NEK11: variants seen among roughly 807,000 people sequenced by gnomAD.
NEK11 encodes serine/threonine-protein kinase Nek11.
NEK11 carries 72 observed loss-of-function variants against 80.7 expected under a neutral mutation model. The observed-to-expected ratio is 0.89, with a 90% CI of 0.74 to 1.08. NEK11 has a LOEUF of 1.08. Ranked by LOEUF, NEK11 falls within the 50% of genes least tolerant of loss-of-function variation. NEK11 has a pLI of 0.00. For missense variants in NEK11, 764 were observed against 763.6 expected, an observed-to-expected ratio of 1.00 and a Z score of -0.01; for synonymous variants, 251 against 260.7, an observed-to-expected ratio of 0.96 and a Z score of 0.36.
At chr3:131,122,737 A>T (rs943292241) in intron 5 of NEK11, among the ~76,000 whole-genome samples, 1 of 152,214 alleles carries the variant, frequency 6.6e-6, no homozygotes, top group Non-Finnish European at 1.5e-5. Flanking sequence ...CCTTCTCCAC[A>T]GTTCTACCTT....
At chr3:131,168,597 C>A (rs1272305834) in intron 12 of NEK11, among the ~76,000 whole-genome samples, 1 of 151,920 alleles carries the variant, frequency 6.6e-6, no homozygotes, top group Non-Finnish European at 1.5e-5. Context: ...ACCTCGTGAT[C>A]CGCCCGCCTC....
chr3:131,243,346 TCGCC>T, intron 15 of NEK11, 86 bp from the exon 16 acceptor site: 1 of 1,200,304 alleles, frequency 8.3e-7, no homozygotes, highest in Non-Finnish European at 1.2e-6. Context: ...GATTTTTTTT[TCGCC>T]TAAATGTAGT....
At chr3:131,137,915 T>C (rs115036835) in intron 7 of NEK11, among the ~76,000 whole-genome samples, 2,008 of 152,302 alleles carry the variant, frequency 0.013, 40 homozygotes, top group African/African-American at 0.045. Flanking sequence ...ATGGGGTACA[T>C]GAAATATTTT....
intron 7 of NEK11, among the ~76,000 whole-genome samples, chr3:131,138,924 A>G (rs749028158): frequency 1.3e-5 from 2 of 152,148 alleles, no homozygotes; most frequent in Non-Finnish European, 2.9e-5. Flanking sequence ...AAACAAGCCC[A>G]GATGGTGAAT....
intron 7 of NEK11, among the ~76,000 whole-genome samples, chr3:131,134,677 G>A (rs567003900): frequency 3.3e-5 from 5 of 152,288 alleles, no homozygotes; most frequent in Admixed American, 6.5e-5. Context: ...GGGATTACAG[G>A]TGTGAGCCAC....
At chr3:131,066,946 TC>T (rs1271945786) in intron 3 of NEK11, among the ~76,000 whole-genome samples, 1 of 152,134 alleles carries the variant, frequency 6.6e-6, no homozygotes, top group Non-Finnish European at 1.5e-5. Context: ...TGTCTTAATC[TC>T]TCTGTGTCTT....
chr3:131,153,760 G>A (rs576320173), intron 9 of NEK11, among the ~76,000 whole-genome samples: 5 of 152,302 alleles, frequency 3.3e-5, no homozygotes, highest in African/African-American at 1.2e-4. Context: ...TATGTTTCCT[G>A]TCCTTTTGAA....
chr3:131,338,272 T>TG (rs2097223896), intron 17 of NEK11, among the ~76,000 whole-genome samples: 1 of 147,510 alleles, frequency 6.8e-6, no homozygotes, highest in South Asian at 2.2e-4. Flanking sequence ...GCTGGTTTTT[T>TG]TTTTTTTTTT....
intron 17 of NEK11, among the ~76,000 whole-genome samples, chr3:131,291,821 T>A (rs1018452695): frequency 1.6e-4 from 24 of 152,336 alleles, no homozygotes; most frequent in African/African-American, 5.5e-4. Flanking sequence ...TTTTAAGAGT[T>A]CTTTGTATAT....
Position 131,201,629 on chromosome 3 carries a change from G to A in NEK11, c.1400-26899G>A, listed in dbSNP as rs115439405. Among the ~76,000 whole-genome samples, 1,478 of 152,190 alleles carry A rather than the reference G, an allele frequency of 9.7e-3. 14 individuals carry two copies. The highest frequency in any genetic ancestry group is 0.011 in the Non-Finnish European group (765 of 67,996). On this transcript the variant is annotated intron_variant, in intron 14 of 17. Coordinates refer to ENST00000383366, the MANE Select transcript of NEK11 (RefSeq NM_024800.5). ...GTTATGTGTTCACCACAACATTGAAGTGTGTAAGTAAATTTAGGTTGAGAG... is the reference window on the plus strand; with the variant it reads ...GTTATGTGTTCACCACAACATTGAAATGTGTAAGTAAATTTAGGTTGAGAG...
chr3:131,205,325 T>C (rs2094411625), intron 14 of NEK11, among the ~76,000 whole-genome samples: 1 of 152,188 alleles, frequency 6.6e-6, no homozygotes, highest in African/African-American at 2.4e-5. Context: ...GGTAACCACC[T>C]TGGCTTTCAT....
chr3:131,078,727 A>G (rs918760723), intron 3 of NEK11, among the ~76,000 whole-genome samples: 1 of 152,178 alleles, frequency 6.6e-6, no homozygotes, highest in African/African-American at 2.4e-5. Flanking sequence ...TGAAGCTGGT[A>G]CTTGGTTAAA....
chr3:131,080,442 T>A lies in NEK11; in HGVS notation c.190T>A (p.Ser64Thr). ...TCTCAGAAAGGTACTTAAGGAAATA[T>A]CTGTTGGAGAACTAAATCCAAATGA... ...GEELKVLKEI[S>T]VGELNPNETV... Residue 64 changes from serine to threonine, a missense_variant, in exon 4 of 18, where the codon TCT (serine) becomes ACT (threonine). Coordinates refer to ENST00000383366, the MANE Select transcript of NEK11 (RefSeq NM_024800.5). The A allele has an allele frequency of 1.9e-6, 3 of 1,602,478 alleles. No individual in the cohort carries two copies. The South Asian group carries it at 3.4e-5, about 18-fold the overall frequency.
At chr3:131,197,875 G>T (rs563039119) in intron 14 of NEK11, among the ~76,000 whole-genome samples, 8 of 152,140 alleles carry the variant, frequency 5.3e-5, no homozygotes, top group South Asian at 2.1e-4. Flanking sequence ...TTCAATATCT[G>T]CTTGGCGGTT....
intron 15 of NEK11, among the ~76,000 whole-genome samples, chr3:131,231,329 C>CG (rs2095326745): frequency 6.6e-6 from 1 of 150,488 alleles, no homozygotes; most frequent in African/African-American, 2.4e-5. Flanking sequence ...CCTGCGGTCA[C>CG]GTAGCTAGGC....
intron 5 of NEK11, among the ~76,000 whole-genome samples, chr3:131,132,012 T>C (rs2084578774): frequency 1.3e-5 from 2 of 152,116 alleles, no homozygotes; most frequent in South Asian, 4.1e-4. Context: ...CAGTTATCTT[T>C]CTGTTATTAA....
intron 14 of NEK11, among the ~76,000 whole-genome samples, chr3:131,225,669 CA>C (rs1457354504): frequency 1.3e-5 from 2 of 152,008 alleles, no homozygotes; most frequent in African/African-American, 4.8e-5. Flanking sequence ...GTTTTTATGC[CA>C]AAGCCAGCAT....
intron 17 of NEK11, among the ~76,000 whole-genome samples, chr3:131,345,534 A>G (rs1475573159): frequency 6.6e-6 from 1 of 152,198 alleles, no homozygotes; most frequent in Non-Finnish European, 1.5e-5. Flanking sequence ...AAAAGAAGAA[A>G]TAACAAATGT....
chr3:131,102,453 A>T (rs982969939), intron 4 of NEK11, among the ~76,000 whole-genome samples: 8 of 152,236 alleles, frequency 5.3e-5, no homozygotes, highest in African/African-American at 1.7e-4. Context: ...TTGATGAGAT[A>T]TGAAATTCTT....
Sources: gnomAD v4.1 joint callset for allele counts (sites outside exome capture counted in the v4.1 genomes callset) on GRCh38, gnomAD v4.1.1 for gene constraint, MANE v1.5 for transcripts, NCBI Gene and HGNC (gene_info 2026-07-23, HGNC 2026-07-21) for gene names.